BABAM2: variants seen among roughly 807,000 people sequenced by gnomAD.
The protein encoded by BABAM2 is BRISC and BRCA1-A complex member 2.
Under a neutral mutation model 54.7 loss-of-function variants are expected in BABAM2, and 31 were observed. That is an observed-to-expected ratio of 0.57 (90% CI 0.43 to 0.77). BABAM2 has a LOEUF of 0.77. Among genes scored for constraint, BABAM2 ranks in the 30% least tolerant of loss-of-function variants. The probability of loss-of-function intolerance (pLI) is 0.00; values close to 1 mark genes in which losing one functional copy is unlikely to be tolerated. For missense variants in BABAM2, 364 were observed against 455.8 expected, an observed-to-expected ratio of 0.80 and a Z score of 1.83; for synonymous variants, 167 against 162.9, an observed-to-expected ratio of 1.03 and a Z score of -0.19.
chr2:28,112,151 C>CGT (rs1668133183), intron 6 of BABAM2, among the ~76,000 whole-genome samples: 2 of 19,606 alleles, frequency 1.0e-4, no homozygotes, highest in African/African-American at 2.3e-4. Context: ...CTTTCTTTAC[C>CGT]TCCCTCCCTC....
chr2:28,182,963 C>T (rs1396554116), intron 7 of BABAM2, among the ~76,000 whole-genome samples: 1 of 152,122 alleles, frequency 6.6e-6, no homozygotes, highest in Admixed American at 6.5e-5. Flanking sequence ...ACTTACTTTA[C>T]AAGATAGACC....
intron 4 of BABAM2, chr2:28,015,730 C>T: frequency 9.6e-7 from 1 of 1,041,318 alleles, no homozygotes; most frequent in Non-Finnish European, 1.3e-6. Flanking sequence ...ATAAGGGAAT[C>T]CTGATTTTTC....
intron 7 of BABAM2, among the ~76,000 whole-genome samples, chr2:28,173,372 G>A (rs1264750187): frequency 6.6e-6 from 1 of 152,120 alleles, no homozygotes; most frequent in African/African-American, 2.4e-5. Flanking sequence ...AAGCCTTTAG[G>A]CCTCACAAGA....
intron 6 of BABAM2, among the ~76,000 whole-genome samples, chr2:28,086,491 C>A (rs913961234): frequency 1.3e-5 from 2 of 152,182 alleles, no homozygotes; most frequent in African/African-American, 4.8e-5. Context: ...CTGTTCAATG[C>A]ATGTGAATAC....
At chr2:28,209,177 C>A (rs1021470730) in intron 7 of BABAM2, among the ~76,000 whole-genome samples, 2 of 152,170 alleles carry the variant, frequency 1.3e-5, no homozygotes, top group Non-Finnish European at 2.9e-5. Context: ...ACTAAAGGGT[C>A]TAAAGGTGGG....
chr2:28,068,039 C>G (rs1244535581), intron 6 of BABAM2, among the ~76,000 whole-genome samples: 1 of 149,580 alleles, frequency 6.7e-6, no homozygotes, highest in Non-Finnish European at 1.5e-5. Context: ...CTCGCTTTTT[C>G]TACTTTTTTT....
Position 28,026,841 on chromosome 2 carries a change from TAAATATATA to T in BABAM2, c.495+1422_495+1430del, listed in dbSNP as rs1475919527. On this transcript the variant is annotated intron_variant, in intron 5 of 11. Transcript: ENST00000379624. ...ATATATTTATATATATAAATATATA[TAAATATATA>T]TTTATATATATAGATATATATATTT... is the stretch of plus-strand genomic sequence containing the variant. 2.7e-3 allele frequency among the ~76,000 whole-genome samples: 119 copies of T among 43,274 alleles called. 4 individuals carry two copies. Among genetic ancestry groups the T allele is most frequent in the East Asian group, 0.027 (84 of 3,098 alleles). 28.4% of individuals were successfully genotyped at this position (43,274 alleles called of 152,430 possible).
intron 2 of BABAM2, among the ~76,000 whole-genome samples, chr2:27,919,746 A>G (rs1667219793): frequency 6.6e-6 from 1 of 152,214 alleles, no homozygotes; most frequent in Non-Finnish European, 1.5e-5. Flanking sequence ...TAAAAACTGT[A>G]TGTGAGCCCA....
At chr2:28,207,409 A>G (rs182885772) in intron 7 of BABAM2, among the ~76,000 whole-genome samples, 1 of 151,856 alleles carries the variant, frequency 6.6e-6, no homozygotes, top group Non-Finnish European at 1.5e-5. Flanking sequence ...AACAACAACA[A>G]CATTAGCTAG....
chr2:28,053,656 T>C (rs1014484463), intron 6 of BABAM2, among the ~76,000 whole-genome samples: 1 of 152,142 alleles, frequency 6.6e-6, no homozygotes, highest in Admixed American at 6.5e-5. Flanking sequence ...ATGGCTGCGC[T>C]CAGTACCTCG....
At chr2:28,296,259 C>T (rs527940365) in intron 10 of BABAM2, among the ~76,000 whole-genome samples, 2 of 152,174 alleles carry the variant, frequency 1.3e-5, no homozygotes, top group African/African-American at 2.4e-5. Context: ...GACTCAAAAG[C>T]GATTTCTGAA....
At chr2:27,977,283 G>T (rs570761531) in intron 3 of BABAM2, among the ~76,000 whole-genome samples, 1 of 152,128 alleles carries the variant, frequency 6.6e-6, no homozygotes, top group Non-Finnish European at 1.5e-5. Flanking sequence ...GTCATAAAGG[G>T]AGGTTTCCAG....
intron 6 of BABAM2, among the ~76,000 whole-genome samples, chr2:28,068,540 T>G (rs2148654347): frequency 6.6e-6 from 1 of 152,330 alleles, no homozygotes; most frequent in Non-Finnish European, 1.5e-5. Flanking sequence ...GGTGAAAAAC[T>G]CTTATATTCC....
chr2:28,095,941 T>A (rs1409392595), intron 6 of BABAM2, among the ~76,000 whole-genome samples: 1 of 152,166 alleles, frequency 6.6e-6, no homozygotes, highest in Non-Finnish European at 1.5e-5. Flanking sequence ...TGGCCTCTCT[T>A]TATAGATGAG....
At chr2:28,129,509 C>T in intron 7 of BABAM2, 129 bp downstream of exon 7, 1 of 845,912 alleles carries the variant, frequency 1.2e-6, no homozygotes, top group South Asian at 1.7e-5. Flanking sequence ...TTAAAAAATT[C>T]ATCATATTAA....
At chr2:28,210,898 CTT>C (rs1679387010) in intron 7 of BABAM2, among the ~76,000 whole-genome samples, 1 of 152,180 alleles carries the variant, frequency 6.6e-6, no homozygotes, top group Admixed American at 6.5e-5. Context: ...GAGGAGAACA[CTT>C]AACAGAAATT....
At chr2:28,092,330 C>T (rs1666222071) in intron 6 of BABAM2, among the ~76,000 whole-genome samples, 1 of 151,980 alleles carries the variant, frequency 6.6e-6, no homozygotes, top group South Asian at 2.1e-4. Context: ...ATGAAATATA[C>T]AAAAAGATTG....
At chr2:28,013,365 C>T in intron 4 of BABAM2, 1 of 455,626 alleles carries the variant, frequency 2.2e-6, no homozygotes, top group South Asian at 1.6e-5. Flanking sequence ...GTTTGGCTTA[C>T]CTAGCAACTG....
At chr2:27,926,159 G>T (rs1667691141) in intron 2 of BABAM2, among the ~76,000 whole-genome samples, 1 of 149,600 alleles carries the variant, frequency 6.7e-6, no homozygotes. Context: ...TTACTCTTCT[G>T]CTAAAAACCC....
Sources: allele counts gnomAD v4.1 joint callset (sites outside exome capture counted in the v4.1 genomes callset), GRCh38; gene constraint gnomAD v4.1.1; transcripts MANE v1.5; gene names NCBI Gene and HGNC (gene_info 2026-07-23, HGNC 2026-07-21).